PATJ: variants seen among roughly 807,000 people sequenced by gnomAD.
The protein encoded by PATJ is inaD-like protein.
PATJ carries 190 observed loss-of-function variants against 224.9 expected under a neutral mutation model. The ratio of observed to expected loss-of-function variants is 0.84; its 90% CI spans 0.75 to 0.95. The LOEUF (loss-of-function observed/expected upper bound fraction) is 0.95. Ranked by LOEUF, PATJ falls within the 40% of genes least tolerant of loss-of-function variation. The pLI, the probability that PATJ is intolerant of heterozygous loss-of-function variation, is 0.00. For synonymous variants in PATJ, 769 were observed against 820.3 expected (o/e 0.94, Z 1.07); for missense variants, 2,121 against 2,270.3 (o/e 0.93, Z 1.34).
intron 16 of PATJ, among the ~76,000 whole-genome samples, chr1:61,832,497 G>T (rs760330787): frequency 6.6e-5 from 10 of 152,042 alleles, no homozygotes; most frequent in African/African-American, 2.4e-4. Flanking sequence ...ATTTACTGAG[G>T]TTACCCAAAG....
At chr1:62,060,301 A>G (rs1442464685) in intron 31 of PATJ, among the ~76,000 whole-genome samples, 1 of 152,166 alleles carries the variant, frequency 6.6e-6, no homozygotes, top group Non-Finnish European at 1.5e-5. Flanking sequence ...TGCTGTAGTA[A>G]GGATTCAGAG....
At chr1:61,756,011 T>A (rs749363594) in intron 1 of PATJ, among the ~76,000 whole-genome samples, 15 of 152,146 alleles carry the variant, frequency 9.9e-5, no homozygotes, top group Non-Finnish European at 2.1e-4. Context: ...CATGTTGGTC[T>A]CGAACTCCTG....
intron 1 of PATJ, among the ~76,000 whole-genome samples, chr1:61,745,235 A>G (rs2148128217): frequency 6.6e-6 from 1 of 152,308 alleles, no homozygotes; most frequent in South Asian, 2.1e-4. Flanking sequence ...CTTATGACCT[A>G]CAATCAGACA....
chr1:61,860,313 A>G (rs952552299), intron 18 of PATJ, among the ~76,000 whole-genome samples: 1 of 151,736 alleles, frequency 6.6e-6, no homozygotes, highest in Non-Finnish European at 1.5e-5. Context: ...CTTCTGCCTC[A>G]GCCTCCCAAA....
intron 27 of PATJ, among the ~76,000 whole-genome samples, chr1:61,962,497 A>G (rs1476354728): frequency 6.6e-6 from 1 of 152,190 alleles, no homozygotes; most frequent in African/African-American, 2.4e-5. Context: ...AGCAGATATA[A>G]GGCAAATCAA....
intron 20 of PATJ, among the ~76,000 whole-genome samples, chr1:61,874,338 C>T (rs1667074943): frequency 6.6e-6 from 1 of 152,242 alleles, no homozygotes; most frequent in South Asian, 2.1e-4. Context: ...GCTGGGATTA[C>T]AGCCATGCAC....
intron 3 of PATJ, among the ~76,000 whole-genome samples, 199 bp downstream of exon 3, chr1:61,763,378 C>A (rs1023903150): frequency 1.3e-5 from 2 of 151,738 alleles, no homozygotes; most frequent in African/African-American, 4.8e-5. Flanking sequence ...TCAATTTTTT[C>A]TTTGGTAACT....
intron 31 of PATJ, among the ~76,000 whole-genome samples, chr1:62,070,764 A>G (rs988461749): frequency 2.0e-5 from 3 of 152,194 alleles, no homozygotes; most frequent in Non-Finnish European, 4.4e-5. Context: ...AATGAGTGAG[A>G]TAAGTCTGGC....
chr1:62,009,709 A>G (rs984922436), intron 28 of PATJ, among the ~76,000 whole-genome samples: 4 of 152,186 alleles, frequency 2.6e-5, no homozygotes, highest in Non-Finnish European at 5.9e-5. Context: ...TGGTTTATCA[A>G]TGAAGTTTAT....
chr1:61,768,472 AAAATAAAT>A (rs141005824), intron 4 of PATJ, among the ~76,000 whole-genome samples: 16 of 149,416 alleles, frequency 1.1e-4, no homozygotes, highest in South Asian at 4.2e-4. Flanking sequence ...TCCGTCTCAA[AAAATAAAT>A]AAATAAATAA....
At chr1:61,807,437 A>G (rs554170548) in intron 13 of PATJ, among the ~76,000 whole-genome samples, 3 of 152,206 alleles carry the variant, frequency 2.0e-5, no homozygotes, top group Non-Finnish European at 4.4e-5. Context: ...TTGGCCTCCC[A>G]GAGTTCTGGG....
intron 1 of PATJ, among the ~76,000 whole-genome samples, chr1:61,762,503 G>A (rs1646025854): frequency 6.6e-6 from 1 of 152,172 alleles, no homozygotes; most frequent in East Asian, 1.9e-4. Context: ...ATATTTTCAT[G>A]AATACTGAGT....
At chr1:61,742,900 C>T (rs1644835222) in intron 1 of PATJ, among the ~76,000 whole-genome samples, 1 of 152,028 alleles carries the variant, frequency 6.6e-6, no homozygotes, top group African/African-American at 2.4e-5. Context: ...GGGGCGCCGC[C>T]CCGCCTCCCC....
intron 27 of PATJ, among the ~76,000 whole-genome samples, chr1:61,933,875 T>C (rs910917828): frequency 5.3e-5 from 8 of 152,306 alleles, no homozygotes; most frequent in East Asian, 3.9e-4. Flanking sequence ...TTCCTGACAA[T>C]GGATCAACAA....
intron 41 of PATJ, among the ~76,000 whole-genome samples, chr1:62,144,243 C>T (rs192996549): frequency 2.4e-4 from 37 of 152,282 alleles, no homozygotes; most frequent in African/African-American, 8.9e-4. Flanking sequence ...ATGCTTCACC[C>T]AAAATGTGTT....
chr1:62,158,884 G>A (rs1393045330), intron 43 of PATJ, among the ~76,000 whole-genome samples: 1 of 152,032 alleles, frequency 6.6e-6, no homozygotes, highest in African/African-American at 2.4e-5. Flanking sequence ...GGGAGGTGGA[G>A]TTTGCAGTGA....
At chr1:61,781,361 T>C (rs1048313838) in intron 7 of PATJ, among the ~76,000 whole-genome samples, 18 of 152,328 alleles carry the variant, frequency 1.2e-4, no homozygotes, top group African/African-American at 4.3e-4. Flanking sequence ...TGTCAGCTGA[T>C]GGCAGATAAA....
At chr1:62,059,574 G>A (rs942967425) in intron 31 of PATJ, among the ~76,000 whole-genome samples, 11 of 151,734 alleles carry the variant, frequency 7.2e-5, no homozygotes, top group South Asian at 2.1e-4. Flanking sequence ...CCGAGATTGC[G>A]CCAGTTCACT....
chr1:61,785,303 G>A (rs1360261362), intron 7 of PATJ, among the ~76,000 whole-genome samples: 1 of 152,114 alleles, frequency 6.6e-6, no homozygotes, highest in Admixed American at 6.6e-5. Context: ...CAGTTTCTTG[G>A]AGAATAGGAA....
Sources: allele counts gnomAD v4.1 joint callset (sites outside exome capture counted in the v4.1 genomes callset), GRCh38; gene constraint gnomAD v4.1.1; transcripts MANE v1.5; gene names NCBI Gene and HGNC (gene_info 2026-07-23, HGNC 2026-07-21).